OFD1: variants seen among roughly 807,000 people sequenced by gnomAD.
OFD1 encodes the protein centriole and centriolar satellite protein OFD1.
Under a neutral mutation model 81.4 loss-of-function variants are expected in OFD1, and 12 were observed. That is an observed-to-expected ratio of 0.15 (90% CI 0.09 to 0.24). The LOEUF (loss-of-function observed/expected upper bound fraction) is 0.24, where lower values mean the gene tolerates loss of function less well. Ranked by LOEUF, OFD1 falls within the 10% of genes least tolerant of loss-of-function variation. The pLI is 1.00. For missense variants in OFD1, 685 were observed against 733.9 expected (o/e 0.93, Z 0.77); for synonymous variants, 256 against 263.7 (o/e 0.97, Z 0.28).
chrX:13,736,105 C>T (rs2046853431), intron 2 of OFD1: 1 of 810,115 alleles, frequency 1.2e-6, no homozygotes, highest in African/African-American at 2.2e-5. Context: ...TATTCTCCAA[C>T]AGTCCACAGA....
chrX:13,758,177 T>A (rs1318675528), intron 14 of OFD1, among the ~76,000 whole-genome samples, 160 bp from the exon 15 acceptor site: 1 of 110,834 alleles, frequency 9.0e-6, no homozygotes, highest in African/African-American at 3.3e-5. Flanking sequence ...TGTGTTCTGC[T>A]TGTGTTTTTT....
chrX:13,716,815 G>C, the OFD1 span: 1 of 582,520 alleles, frequency 1.7e-6, no homozygotes, highest in African/African-American at 2.3e-5. Flanking sequence ...TTATTGTCAT[G>C]AGACTTATAA....
At chrX:13,740,162 A>G (rs1202490637) in intron 5 of OFD1, 3 of 969,071 alleles carry the variant, frequency 3.1e-6, no homozygotes, top group African/African-American at 4.0e-5. Context: ...TTGGAGCACA[A>G]GATATTCTGG....
intron 21 of OFD1, 67 bp from the exon 22 acceptor site, chrX:13,768,651 C>T (rs1292982925): frequency 1.2e-6 from 1 of 846,212 alleles, no homozygotes; most frequent in African/African-American, 2.0e-5. Flanking sequence ...AAAAATGGTT[C>T]TTAAAGTATT....
At chrX:13,773,650 C>A (rs1044917196), downstream of OFD1, 2 of 111,189 alleles carry the variant, frequency 1.8e-5, no homozygotes, top group African/African-American at 6.5e-5. Context: ...TGTAAAAATC[C>A]TCAGTATCAT....
intron 10 of OFD1, 55 bp from the exon 11 acceptor site, chrX:13,753,311 AAC>A (rs1229743186): frequency 5.8e-6 from 7 of 1,206,511 alleles, no homozygotes; most frequent in Non-Finnish European, 7.8e-6. Flanking sequence ...CTGCACTGAT[AAC>A]AGTCTTTCCA....
intron 15 of OFD1, 136 bp from the exon 16 acceptor site, chrX:13,759,979 C>A: frequency 1.3e-6 from 1 of 758,053 alleles, no homozygotes. Flanking sequence ...TTATCGTTAC[C>A]ATGGCTTCAG....
intron 2 of OFD1, 34 bp from the exon 3 acceptor site, chrX:13,736,444 T>C (rs768168469): frequency 6.7e-6 from 8 of 1,189,859 alleles, no homozygotes; most frequent in African/African-American, 3.5e-5. Context: ...TTCCCTTGTG[T>C]TTCTTTTTTA....
At chrX:13,752,575 T>C in intron 10 of OFD1, 1 of 485,958 alleles carries the variant, frequency 2.1e-6, no homozygotes, top group South Asian at 3.2e-5. Context: ...CTATGTCAGT[T>C]TCTATACTAA....
At chrX:13,768,974 C>T (rs991380314) in intron 22 of OFD1, 92 bp from the exon 23 acceptor site, 1 of 782,230 alleles carries the variant, frequency 1.3e-6, no homozygotes, top group Non-Finnish European at 2.0e-6. Context: ...AGGGCAGAAA[C>T]CCCCCAGGGA....
chrX:13,764,462 C>T (rs750133186), intron 19 of OFD1, among the ~76,000 whole-genome samples: 1 of 111,600 alleles, frequency 9.0e-6, no homozygotes, highest in Non-Finnish European at 1.9e-5. Context: ...TCTTCTCCTC[C>T]AGATTACCCA....
chrX:13,763,589 T>C lies in OFD1; in HGVS notation c.2489-156T>C, dbSNP rs1438457749. ...ACAAGCAAATACGTTGCCAAGTGGT[T>C]ATGTTGGGAACTTCATAGAATCCTG... On this transcript the variant is annotated intron_variant, in intron 18 of 22. Transcript: ENST00000340096. 8.0e-5 allele frequency among the ~76,000 whole-genome samples: 9 copies of C among 112,235 alleles called. No individual in the cohort carries two copies. In the Admixed American group the frequency reaches 8.5e-4, roughly 11 times the overall value.
Position 13,760,514 on chromosome X carries a change from G to T in OFD1, c.2054G>T (p.Ser685Ile), listed in dbSNP as rs757518933. The T allele has an allele frequency of 8.6e-7, 1 of 1,167,837 alleles. No homozygotes were observed. The highest frequency in any genetic ancestry group is 1.8e-5 in the African/African-American group (1 of 55,266). The change falls in exon 16 of 23, where the codon AGT (serine) becomes ATT (isoleucine). Residue 685 changes from serine (S) to isoleucine (I), a missense_variant. Coordinates refer to ENST00000340096, the MANE Select transcript of OFD1 (RefSeq NM_003611.3). ...LLEAFKNITS[S>I]SPERHIFGED... ...GAAGCCTTCAAAAACATTACTTCCA[G>T]TTCCCCGGAAAGACATATTTTTGGA...
intron 5 of OFD1, among the ~76,000 whole-genome samples, chrX:13,743,641 G>A (rs1325132100): frequency 1.8e-5 from 2 of 112,128 alleles, no homozygotes; most frequent in Non-Finnish European, 3.8e-5. Context: ...GGAAAATAAT[G>A]GTTTCTCTGT....
chrX:13,734,190 CAAAAT>C (rs776200161), upstream of OFD1: 86 of 482,335 alleles, frequency 1.8e-4, no homozygotes, highest in Non-Finnish European at 2.9e-4. Flanking sequence ...GTGATACTGA[CAAAAT>C]AGAGAGCAAG....
chrX:13,758,148 ATGG>A (rs1032412755), intron 14 of OFD1, among the ~76,000 whole-genome samples, 186 bp from the exon 15 acceptor site: 4 of 110,569 alleles, frequency 3.6e-5, no homozygotes, highest in African/African-American at 1.3e-4. Flanking sequence ...ACTGAAAAAG[ATGG>A]TGAAGAACTT....
chrX:13,770,295 C>CTAAT (rs1283959955), downstream of OFD1, among the ~76,000 whole-genome samples: 2 of 111,961 alleles, frequency 1.8e-5, no homozygotes, highest in African/African-American at 6.5e-5. Context: ...AAATAGCACA[C>CTAAT]TAATTGAGCC....
chrX:13,770,781 C>A (rs1016988506), downstream of OFD1, among the ~76,000 whole-genome samples: 2 of 112,180 alleles, frequency 1.8e-5, no homozygotes, highest in African/African-American at 3.2e-5. Flanking sequence ...TTAATATTTT[C>A]TTTAATTGCT....
downstream of OFD1, chrX:13,771,890 T>G (rs569360011): frequency 2.7e-5 from 3 of 112,201 alleles, no homozygotes; most frequent in South Asian, 1.1e-3. Context: ...TCTATAAAAG[T>G]AGGAGGTTAG....
Sources: gnomAD v4.1 joint callset for allele counts (sites outside exome capture counted in the v4.1 genomes callset) on GRCh38, gnomAD v4.1.1 for gene constraint, MANE v1.5 for transcripts, NCBI Gene and HGNC (gene_info 2026-07-23, HGNC 2026-07-21) for gene names.